Variants in REEP1 observed in about 807,000 individuals in gnomAD.
REEP1 encodes receptor expression-enhancing protein 1.
A neutral mutation model predicts 40.3 loss-of-function variants in REEP1; 22 were observed. The observed-to-expected ratio is 0.55, with a 90% CI of 0.39 to 0.78. The LOEUF is 0.78. REEP1 is among the 30% of genes least tolerant of loss of function. The pLI, the probability that REEP1 is intolerant of heterozygous loss-of-function variation, is 0.00. For synonymous variants in REEP1, 116 were observed against 139.2 expected (o/e 0.83, Z 1.17); for missense variants, 280 against 361.1 (o/e 0.78, Z 1.82).
chr2:86,332,927 C>G (rs976360913), intron 1 of REEP1, among the ~76,000 whole-genome samples: 25 of 152,364 alleles, frequency 1.6e-4, no homozygotes, highest in African/African-American at 6.0e-4. Context: ...GGCCAAAAAC[C>G]TGTCTCTTAG....
intron 3 of REEP1, among the ~76,000 whole-genome samples, chr2:86,262,048 G>C (rs1250499536): frequency 6.6e-6 from 1 of 152,086 alleles, no homozygotes; most frequent in East Asian, 1.9e-4. Context: ...ATTGTCTTGC[G>C]ACCCTGACAC....
At chr2:86,242,666 G>A (rs1675726589) in intron 5 of REEP1, among the ~76,000 whole-genome samples, 3 of 152,180 alleles carry the variant, frequency 2.0e-5, no homozygotes, top group African/African-American at 4.8e-5. Flanking sequence ...ACAGAAGGCA[G>A]TTCTGTGAAT....
intron 2 of REEP1, among the ~76,000 whole-genome samples, chr2:86,271,163 G>T (rs1229953330): frequency 6.6e-6 from 1 of 152,120 alleles, no homozygotes; most frequent in East Asian, 1.9e-4. Flanking sequence ...CTGCACTCCA[G>T]CCTGGGCAAC....
intron 1 of REEP1, among the ~76,000 whole-genome samples, chr2:86,315,846 T>TG: frequency 6.6e-6 from 1 of 152,286 alleles, no homozygotes; most frequent in South Asian, 2.1e-4. Flanking sequence ...CCCATGCCCA[T>TG]GCCATAGGGA....
chr2:86,236,532 G>A (rs987240884), intron 5 of REEP1, among the ~76,000 whole-genome samples: 5 of 151,982 alleles, frequency 3.3e-5, no homozygotes, highest in Non-Finnish European at 7.4e-5. Context: ...CTCTGAGAAG[G>A]CCCATCTGGT....
chr2:86,237,002 G>C (rs1675391681), intron 5 of REEP1, among the ~76,000 whole-genome samples: 1 of 152,196 alleles, frequency 6.6e-6, no homozygotes, highest in Non-Finnish European at 1.5e-5. Context: ...CCAAAGTGCT[G>C]GGATTACAGG....
At chr2:86,290,413 A>G (rs1678633364) in intron 1 of REEP1, among the ~76,000 whole-genome samples, 1 of 152,170 alleles carries the variant, frequency 6.6e-6, no homozygotes, top group Non-Finnish European at 1.5e-5. Flanking sequence ...CCCACACTAA[A>G]AAGAGTGAAT....
intron 1 of REEP1, among the ~76,000 whole-genome samples, chr2:86,336,243 A>G (rs914985862): frequency 6.6e-6 from 1 of 152,202 alleles, no homozygotes; most frequent in Non-Finnish European, 1.5e-5. Flanking sequence ...AGTCAGGAAC[A>G]GCTGTGGAGA....
At chr2:86,284,167 C>G (rs997036916) in intron 1 of REEP1, among the ~76,000 whole-genome samples, 1 of 152,104 alleles carries the variant, frequency 6.6e-6, no homozygotes, top group Admixed American at 6.5e-5. Context: ...TCCTTGCCTG[C>G]CCCCTCCTAA....
At chr2:86,321,831 T>C (rs1322367014) in intron 1 of REEP1, among the ~76,000 whole-genome samples, 2 of 152,334 alleles carry the variant, frequency 1.3e-5, no homozygotes, top group Admixed American at 1.3e-4. Context: ...TGATACTTTA[T>C]GGGAAAATGT....
chr2:86,269,219 C>G (rs753285773), intron 2 of REEP1, among the ~76,000 whole-genome samples: 3 of 152,162 alleles, frequency 2.0e-5, no homozygotes, highest in Non-Finnish European at 4.4e-5. Context: ...CTTGTTAGAA[C>G]ACTTGTTCTA....
chr2:86,239,434 A>G (rs1387479531), intron 5 of REEP1, among the ~76,000 whole-genome samples: 1 of 152,140 alleles, frequency 6.6e-6, no homozygotes, highest in Non-Finnish European at 1.5e-5. Context: ...CCTGCTACTG[A>G]GGACAACAAC....
intron 5 of REEP1, among the ~76,000 whole-genome samples, chr2:86,234,186 A>G (rs1032865515): frequency 6.6e-6 from 1 of 151,692 alleles, no homozygotes; most frequent in African/African-American, 2.4e-5. Flanking sequence ...ATTAGAGGGG[A>G]GGGGGAAAAA....
chr2:86,328,445 G>A (rs1680611391), intron 1 of REEP1, among the ~76,000 whole-genome samples: 1 of 152,214 alleles, frequency 6.6e-6, no homozygotes, highest in Non-Finnish European at 1.5e-5. Context: ...ACTTTGGGAG[G>A]CCAAGGTGAG....
chr2:86,228,807 A>G (rs1442570071), intron 6 of REEP1, among the ~76,000 whole-genome samples: 1 of 152,066 alleles, frequency 6.6e-6, no homozygotes, highest in Non-Finnish European at 1.5e-5. Flanking sequence ...CCCCACTCAC[A>G]TTCTCCTTCC....
intron 1 of REEP1, among the ~76,000 whole-genome samples, chr2:86,284,927 C>T (rs1226595604): frequency 1.3e-5 from 2 of 152,156 alleles, no homozygotes; most frequent in African/African-American, 4.8e-5. Context: ...TCTAAAAGCT[C>T]AGTAACACTT....
chr2:86,233,570 T>C (rs1323577691), intron 5 of REEP1, among the ~76,000 whole-genome samples: 3 of 152,158 alleles, frequency 2.0e-5, no homozygotes, highest in Admixed American at 6.5e-5. Flanking sequence ...CCTCACTGTC[T>C]GGATGAGAGA....
intron 1 of REEP1, among the ~76,000 whole-genome samples, chr2:86,324,506 A>C (rs1398505834): frequency 6.6e-6 from 1 of 152,192 alleles, no homozygotes; most frequent in Non-Finnish European, 1.5e-5. Flanking sequence ...GATGGTAAAG[A>C]CACTGTGCAA....
chr2:86,230,133 C>CT (rs577316135), intron 6 of REEP1, among the ~76,000 whole-genome samples: 188 of 152,344 alleles, frequency 1.2e-3, no homozygotes, highest in Non-Finnish European at 1.3e-3. Context: ...CACTGCCTCC[C>CT]TGGGGCATGG....
Sources: allele counts gnomAD v4.1 joint callset (sites outside exome capture counted in the v4.1 genomes callset), GRCh38; gene constraint gnomAD v4.1.1; transcripts MANE v1.5; gene names NCBI Gene and HGNC (gene_info 2026-07-23, HGNC 2026-07-21).